FXR1: variants seen among roughly 807,000 people sequenced by gnomAD.
The protein encoded by FXR1 is FMR1 autosomal homolog 1, also known as RNA-binding protein FXR1.
A neutral mutation model predicts 84.0 loss-of-function variants in FXR1; 15 were observed. The ratio of observed to expected loss-of-function variants is 0.18; its 90% CI spans 0.12 to 0.27. The LOEUF is 0.27. FXR1 is among the 10% of genes least tolerant of loss of function. FXR1 has a pLI of 1.00. For missense variants in FXR1, 480 were observed against 774.4 expected (o/e 0.62, Z 4.51); for synonymous variants, 245 against 250.7 (o/e 0.98, Z 0.21).
chr3:180,942,890 A>C (rs1721283836), intron 3 of FXR1, among the ~76,000 whole-genome samples: 1 of 152,150 alleles, frequency 6.6e-6, no homozygotes, highest in African/African-American at 2.4e-5. Flanking sequence ...TATTGAAGTG[A>C]TATTTTATTG....
intron 13 of FXR1, among the ~76,000 whole-genome samples, chr3:180,964,700 T>TATAA (rs1491324374): frequency 7.2e-6 from 1 of 139,804 alleles, no homozygotes; most frequent in African/African-American, 2.7e-5. Context: ...TATATATATA[T>TATAA]AATGAGTACT....
At chr3:180,971,204 A>C in intron 15 of FXR1, 1 of 619,976 alleles carries the variant, frequency 1.6e-6, no homozygotes, top group South Asian at 1.8e-5. Flanking sequence ...GCATGAAAAA[A>C]ATGTCTATGT....
Position 180,977,749 on chromosome 3 carries a change from G to A in FXR1, c.*1457G>A, listed in dbSNP as rs1017112429. 4.6e-5 allele frequency: 7 copies of A among 152,054 alleles called. No individual in the cohort carries two copies. The highest frequency in any genetic ancestry group is 1.4e-4 in the African/African-American group (6 of 41,438). The allele number at this position is 152,054 out of a possible 1,614,324, so 9.4% of individuals were successfully genotyped here. A position where few individuals can be genotyped will look rare whatever the true frequency, so the allele number is the denominator to read the frequency against. On this transcript the variant is annotated 3_prime_UTR_variant, in exon 17 of 17. Transcript: ENST00000357559. ...TATCACTTGGCATATGAAAAGTGTT[G>A]TGTGCATAGTTTGTGTTAATTTTTT...
chr3:180,933,116 G>T, intron 1 of FXR1: 1 of 493,154 alleles, frequency 2.0e-6, no homozygotes, highest in African/African-American at 2.0e-5. Context: ...TAATTCCCAG[G>T]TAGATGACAC....
chr3:180,968,572 T>C (rs906989861), intron 14 of FXR1, among the ~76,000 whole-genome samples: 1 of 152,122 alleles, frequency 6.6e-6, no homozygotes, highest in Admixed American at 6.5e-5. Flanking sequence ...ATTTTGGGGT[T>C]ATGTTTTTTT....
intron 3 of FXR1, among the ~76,000 whole-genome samples, chr3:180,938,038 A>G (rs1720718117): frequency 6.6e-6 from 1 of 152,162 alleles, no homozygotes; most frequent in Non-Finnish European, 1.5e-5. Context: ...TAGGACAGCA[A>G]ACATTTTCGT....
chr3:180,947,888 A>T lies in FXR1; in HGVS notation c.222A>T (p.Gln74His). The change falls in exon 4 of 17, where the codon CAA becomes CAT. Residue 74 changes from glutamine (Q) to histidine (H), a missense_variant. Physicochemically the swap from Gln to His is conservative, Grantham distance 24. Coordinates refer to ENST00000357559, the MANE Select transcript of FXR1 (RefSeq NM_005087.4). The stretch of plus-strand genomic sequence containing the variant: ...AGGTATATTCAAGAGCAAATGACCA[A>T]GAGCCATGTGGGTGGTGGTTGGCTA... ...EVEVYSRAND[Q>H]EPCGWWLAKV... 6.2e-7 allele frequency: 1 copy of T among 1,608,316 alleles called. No homozygotes were observed. Among genetic ancestry groups the T allele is most frequent in the South Asian group, 1.1e-5 (1 of 90,654 alleles).
chr3:180,963,013 T>C lies in FXR1; in HGVS notation c.1136-15T>C. ...GGATATGCCACTGATGAAAGTACCGTCTCTTCTGTACAAGGTTCTAGGTCT... is the reference window on the plus strand; with the variant it reads ...GGATATGCCACTGATGAAAGTACCGCCTCTTCTGTACAAGGTTCTAGGTCT... On this transcript the variant is annotated splice_polypyrimidine_tract_variant and intron_variant, in intron 12 of 16. Transcript: ENST00000357559. 6.2e-7 allele frequency: 1 copy of C among 1,607,268 alleles called. No individual in the cohort carries two copies. The highest frequency in any genetic ancestry group is 1.1e-5 in the South Asian group (1 of 90,918).
intron 15 of FXR1, chr3:180,971,526 G>A (rs1205917870): frequency 2.0e-5 from 3 of 152,524 alleles, no homozygotes; most frequent in Non-Finnish European, 4.4e-5. Context: ...GCTTTTGCAT[G>A]GTGCCTGCTT....
At chr3:180,951,736 C>T (rs1011936603) in intron 8 of FXR1, among the ~76,000 whole-genome samples, 2 of 152,038 alleles carry the variant, frequency 1.3e-5, no homozygotes, top group African/African-American at 2.4e-5. Context: ...GTTTTATACC[C>T]GTTAACAAAT....
chr3:180,964,664 G>A (rs1325950761), intron 13 of FXR1, among the ~76,000 whole-genome samples: 1 of 116,268 alleles, frequency 8.6e-6, no homozygotes, highest in African/African-American at 4.1e-5. Flanking sequence ...AGAGGGACTT[G>A]TAGTTGATTT....
chr3:180,968,105 A>G lies in FXR1; in HGVS notation c.1253A>G (p.Glu418Gly). The G allele has an allele frequency of 6.2e-7, 1 of 1,613,832 alleles. No homozygotes were observed. Residue 418 changes from glutamate to glycine, a missense_variant, in exon 14 of 17, where the codon GAG becomes GGG. Glu to Gly is a moderately conservative substitution (Grantham distance 98, BLOSUM62 -2). Around this residue, in one of 6 missense-constraint regions of FXR1, gnomAD observed 157 missense variants for 227.8 expected, o/e 0.69. Transcript: ENST00000357559. ...PSETESERKD[E>G]LSDWSLAGED... ...GAAACGGAATCTGAGCGTAAAGACG[A>G]GCTGAGTGATTGGTCATTGGCAGGA... is the stretch of plus-strand genomic sequence containing the variant.
intron 16 of FXR1, 91 bp downstream of exon 16, chr3:180,975,495 T>C: frequency 1.9e-6 from 1 of 521,998 alleles, no homozygotes; most frequent in Non-Finnish European, 3.4e-6. Context: ...GTGTGATCAC[T>C]TGTTTCCACA....
chr3:180,927,490 T>C (rs1257403096), intron 1 of FXR1, among the ~76,000 whole-genome samples: 1 of 152,160 alleles, frequency 6.6e-6, no homozygotes, highest in Non-Finnish European at 1.5e-5. Flanking sequence ...TCCTGAAATA[T>C]ATTCATACCA....
intron 1 of FXR1, among the ~76,000 whole-genome samples, chr3:180,925,970 C>G (rs1309880988): frequency 6.6e-6 from 1 of 152,126 alleles, no homozygotes; most frequent in South Asian, 2.1e-4. Flanking sequence ...AGGAAAGACC[C>G]TTCACTATCT....
At chr3:180,946,996 T>C (rs1721764460) in intron 3 of FXR1, among the ~76,000 whole-genome samples, 1 of 152,238 alleles carries the variant, frequency 6.6e-6, no homozygotes, top group Non-Finnish European at 1.5e-5. Context: ...CCTATTACGT[T>C]AATAAAACTG....
At chr3:180,960,508 C>T (rs748410584) in intron 10 of FXR1, among the ~76,000 whole-genome samples, 3 of 152,146 alleles carry the variant, frequency 2.0e-5, no homozygotes, top group Admixed American at 6.5e-5. Context: ...CTCTCTTGTC[C>T]AGGCTGGAGG....
chr3:180,930,163 T>C (rs796680390), intron 1 of FXR1, among the ~76,000 whole-genome samples: 20 of 152,042 alleles, frequency 1.3e-4, no homozygotes, highest in African/African-American at 4.8e-4. Context: ...CTTGGGAGGC[T>C]GAGGCAGGAG....
At position 180,980,388 on chromosome 3, in the gene FXR1, T is replaced by C. The variant is rs1001027959; in HGVS notation, c.*4096T>C. 6.6e-6 allele frequency: 1 copy of C among 151,980 alleles called. No homozygotes were observed. Among genetic ancestry groups the C allele is most frequent in the East Asian group, 1.9e-4 (1 of 5,204 alleles). 9.4% of individuals were successfully genotyped at this position (151,980 alleles called of 1,614,324 possible). Reference sequence around the variant, plus strand: ...TATTTCAGTGATTGGGATGTTCTTTTTTTTTGGGAAAGTTTTTTTACCCCT... The same window carrying C: ...TATTTCAGTGATTGGGATGTTCTTTCTTTTTGGGAAAGTTTTTTTACCCCT... On this transcript the variant is annotated 3_prime_UTR_variant, in exon 17 of 17. Transcript: ENST00000357559.
Sources: allele counts gnomAD v4.1 joint callset (sites outside exome capture counted in the v4.1 genomes callset), GRCh38; gene constraint gnomAD v4.1.1; regional missense constraint gnomAD v4.1.1; transcripts MANE v1.5; gene names NCBI Gene and HGNC (gene_info 2026-07-23, HGNC 2026-07-21).